SLC35F2: variants seen among roughly 807,000 people sequenced by gnomAD.
SLC35F2 encodes solute carrier family 35 member F2, also known as queuine/queuosine transporter SLC35F2.
A neutral mutation model predicts 38.1 loss-of-function variants in SLC35F2; 25 were observed. The ratio of observed to expected loss-of-function variants is 0.66; its 90% CI spans 0.48 to 0.92. SLC35F2 has a LOEUF of 0.92. Ranked by LOEUF, SLC35F2 falls within the 40% of genes least tolerant of loss-of-function variation. SLC35F2 has a pLI of 0.00. For missense variants in SLC35F2, 409 were observed against 452.9 expected (o/e 0.90, Z 0.88); for synonymous variants, 173 against 181.7 (o/e 0.95, Z 0.38).
intron 1 of SLC35F2, among the ~76,000 whole-genome samples, chr11:107,845,888 G>C (rs1860097619): frequency 6.6e-6 from 1 of 151,294 alleles, no homozygotes; most frequent in African/African-American, 2.4e-5. Context: ...AGGAGGCAGA[G>C]GTTGCAGTGT....
At position 107,802,314 on chromosome 11, in the gene SLC35F2, ACT is replaced by A. The variant is rs1407650133; in HGVS notation, c.939+685_939+686del. The stretch of plus-strand genomic sequence containing the variant: ...CAATTCTCAAGGGAAGGTGTATCAG[ACT>A]CTCTGAGGATGTTATTTTTTCAAAC... On this transcript the variant is annotated intron_variant, in intron 7 of 7. Coordinates refer to ENST00000525815, the MANE Select transcript of SLC35F2 (RefSeq NM_017515.5). Among the ~76,000 whole-genome samples, 3 of 151,640 alleles carry A rather than the reference ACT, an allele frequency of 2.0e-5. No homozygotes were observed. The East Asian group carries it at 6.0e-4, about 30-fold the overall frequency.
chr11:107,848,047 G>A (rs1439442122), intron 1 of SLC35F2, among the ~76,000 whole-genome samples: 4 of 152,174 alleles, frequency 2.6e-5, no homozygotes. Context: ...GCCAGGGGCT[G>A]GGGAGGGGGA....
At position 107,791,909 on chromosome 11, in the gene SLC35F2, C is replaced by T. The variant is rs1433533650; in HGVS notation, c.*706G>A. The T allele has an allele frequency of 6.6e-6, 1 of 152,058 alleles. No homozygotes were observed. The highest frequency in any genetic ancestry group is 1.5e-5 in the Non-Finnish European group (1 of 68,014). 9.4% of individuals were successfully genotyped at this position (152,058 alleles called of 1,614,324 possible). A position where few individuals can be genotyped will look rare whatever the true frequency, so the allele number is the denominator to read the frequency against. On this transcript the variant is annotated 3_prime_UTR_variant, in exon 8 of 8. Transcript: ENST00000525815. ...GCTTTTGTAATCCCAGCTACTAACA[C>T]TTGAATCCAGGAGGCAGAGGTTACA...
At chr11:107,838,592 TG>T (rs1358977251) in intron 1 of SLC35F2, among the ~76,000 whole-genome samples, 1 of 149,834 alleles carries the variant, frequency 6.7e-6, no homozygotes, top group African/African-American at 2.5e-5. Context: ...CCCAAAGTGC[TG>T]GGATTACAGG....
chr11:107,811,097 G>A (rs1859472837), intron 3 of SLC35F2: 1 of 984,844 alleles, frequency 1.0e-6, no homozygotes, highest in Non-Finnish European at 1.2e-6. Flanking sequence ...CCCATAGTTT[G>A]CTAACATTAA....
intron 1 of SLC35F2, chr11:107,821,476 A>G: frequency 1.0e-6 from 1 of 985,406 alleles, no homozygotes; most frequent in Non-Finnish European, 1.2e-6. Flanking sequence ...GGGAGGGGGT[A>G]GGAAATTGAG....
chr11:107,812,004 C>T (rs932793373), intron 2 of SLC35F2, among the ~76,000 whole-genome samples: 1 of 152,086 alleles, frequency 6.6e-6, no homozygotes, highest in African/African-American at 2.4e-5. Context: ...TGGGTTCAAG[C>T]CATCCTCCCA....
At chr11:107,831,379 C>G (rs1859838193) in intron 1 of SLC35F2, among the ~76,000 whole-genome samples, 1 of 152,198 alleles carries the variant, frequency 6.6e-6, no homozygotes, top group South Asian at 2.1e-4. Flanking sequence ...TGCCACTACA[C>G]CCAGCTAATT....
At chr11:107,817,370 A>G (rs1357105222) in intron 1 of SLC35F2, among the ~76,000 whole-genome samples, 1 of 152,150 alleles carries the variant, frequency 6.6e-6, no homozygotes, top group Non-Finnish European at 1.5e-5. Flanking sequence ...ATGGCCAGAG[A>G]AGTAAAGGGA....
intron 3 of SLC35F2, among the ~76,000 whole-genome samples, chr11:107,808,986 G>A (rs1462810237): frequency 3.3e-5 from 5 of 152,292 alleles, no homozygotes; most frequent in Admixed American, 6.5e-5. Flanking sequence ...AGATGCCTAT[G>A]TCATGATCAG....
At position 107,792,842 on chromosome 11, in the gene SLC35F2, C is replaced by G. The variant is rs368799488; in HGVS notation, c.940-42G>C. On this transcript the variant is annotated intron_variant, in intron 7 of 7. Coordinates refer to ENST00000525815, the MANE Select transcript of SLC35F2 (RefSeq NM_017515.5). ...GGCAGTGAATTGTGCCCCTCACATA[C>G]ACATCTTTGCTGCTGGCTTTTGCCA... The G allele has an allele frequency of 5.0e-5, 74 of 1,477,504 alleles. No homozygotes were observed. The African/African-American group carries it at 6.8e-4, about 14-fold the overall frequency. The allele number at this position is 1,477,504 out of a possible 1,614,324, so 91.5% of individuals were successfully genotyped here.
chr11:107,830,079 T>C (rs1308434150), intron 1 of SLC35F2, among the ~76,000 whole-genome samples: 1 of 151,452 alleles, frequency 6.6e-6, no homozygotes, highest in East Asian at 1.9e-4. Context: ...CTGGGCAAAA[T>C]AGCAAGACCT....
At chr11:107,825,241 C>A (rs1859735074) in intron 1 of SLC35F2, among the ~76,000 whole-genome samples, 1 of 152,072 alleles carries the variant, frequency 6.6e-6, no homozygotes, top group Non-Finnish European at 1.5e-5. Flanking sequence ...TATTGAATAA[C>A]ACAGCCCTAG....
At chr11:107,811,234 T>C in intron 3 of SLC35F2, 1 of 985,400 alleles carries the variant, frequency 1.0e-6, no homozygotes, top group Non-Finnish European at 1.2e-6. Flanking sequence ...TAACTCTGGC[T>C]ACCACCTCTC....
intron 1 of SLC35F2, among the ~76,000 whole-genome samples, chr11:107,825,713 T>C (rs1398631212): frequency 6.6e-6 from 1 of 152,158 alleles, no homozygotes; most frequent in Non-Finnish European, 1.5e-5. Context: ...ATACTTATGC[T>C]GCTGGTCCAC....
chr11:107,829,170 G>A (rs902127882), intron 1 of SLC35F2, among the ~76,000 whole-genome samples: 3 of 150,268 alleles, frequency 2.0e-5, no homozygotes, highest in Non-Finnish European at 4.4e-5. Flanking sequence ...TGTAATCTCA[G>A]CACTTTGGAA....
intron 7 of SLC35F2, among the ~76,000 whole-genome samples, chr11:107,802,263 AAAAT>A (rs1859321481): frequency 6.7e-6 from 1 of 149,224 alleles, no homozygotes; most frequent in African/African-American, 2.5e-5. Context: ...ATAATAAAAT[AAAAT>A]AAATAAAATG....
At chr11:107,834,551 G>A (rs922242914) in intron 1 of SLC35F2, among the ~76,000 whole-genome samples, 18 of 152,268 alleles carry the variant, frequency 1.2e-4, no homozygotes, top group African/African-American at 4.1e-4. Flanking sequence ...TTGGGAGGCT[G>A]AGGCAGGAGA....
chr11:107,811,014 A>C, intron 3 of SLC35F2: 1 of 985,172 alleles, frequency 1.0e-6, no homozygotes, highest in Non-Finnish European at 1.2e-6. Context: ...CTGGCATTTG[A>C]GTCTATCTCA....
Sources: allele counts gnomAD v4.1 joint callset (sites outside exome capture counted in the v4.1 genomes callset), GRCh38; gene constraint gnomAD v4.1.1; transcripts MANE v1.5; gene names NCBI Gene and HGNC (gene_info 2026-07-23, HGNC 2026-07-21).